FOXJ3: variants seen among roughly 807,000 people sequenced by gnomAD.
The protein encoded by FOXJ3 is forkhead box J3.
In FOXJ3, 22 loss-of-function variants were observed where a neutral mutation model predicts 76.1. The ratio of observed to expected loss-of-function variants is 0.29; its 90% CI spans 0.21 to 0.41. The LOEUF is 0.41. FOXJ3 is among the 10% of genes least tolerant of loss of function. The probability of loss-of-function intolerance (pLI) is 1.00; values close to 1 mark genes in which losing one functional copy is unlikely to be tolerated. For synonymous variants in FOXJ3, 269 were observed against 261.2 expected, an observed-to-expected ratio of 1.03 and a Z score of -0.29; for missense variants, 613 against 762.1, an observed-to-expected ratio of 0.80 and a Z score of 2.30.
At chr1:42,192,408 C>T (rs1252727251) in intron 8 of FOXJ3, among the ~76,000 whole-genome samples, 1 of 152,002 alleles carries the variant, frequency 6.6e-6, no homozygotes, top group Non-Finnish European at 1.5e-5. Context: ...TAGGGCCCAA[C>T]AAAAAGTTAT....
At chr1:42,307,122 A>AT (rs1557714084) in intron 2 of FOXJ3, among the ~76,000 whole-genome samples, 3 of 152,260 alleles carry the variant, frequency 2.0e-5, no homozygotes, top group Non-Finnish European at 4.4e-5. Flanking sequence ...TTCAGGTTTC[A>AT]TAAGAGCCAT....
At chr1:42,287,027 A>G (rs1393272007) in intron 2 of FOXJ3, among the ~76,000 whole-genome samples, 2 of 152,086 alleles carry the variant, frequency 1.3e-5, no homozygotes, top group African/African-American at 4.8e-5. Flanking sequence ...GTTCTAGGGT[A>G]TACAATTCAT....
chr1:42,191,154 T>C, intron 9 of FOXJ3, 149 bp downstream of exon 9: 1 of 711,468 alleles, frequency 1.4e-6, no homozygotes, highest in Non-Finnish European at 2.1e-6. Context: ...CAGGTCAGTC[T>C]ATGAATTAAA....
intron 3 of FOXJ3, among the ~76,000 whole-genome samples, chr1:42,277,976 CAA>C (rs755384247): frequency 0.034 from 1,770 of 51,478 alleles, 26 homozygotes; most frequent in African/African-American, 0.096. Flanking sequence ...GACTCCATCT[CAA>C]AAAAAAAAAA....
Position 42,206,340 on chromosome 1 carries a change from C to T in FOXJ3, c.529-477G>A, listed in dbSNP as rs374380932. The stretch of plus-strand genomic sequence containing the variant: ...GGGTCATGTCTTTGAAAGAAACCTG[C>T]TTGCCCACCATTCATTCTTTCTCTC... On this transcript the variant is annotated intron_variant, in intron 5 of 12. Coordinates refer to ENST00000361346, the MANE Select transcript of FOXJ3 (RefSeq NM_014947.5). Among the ~76,000 whole-genome samples, 12 of 152,324 alleles carry T rather than the reference C, an allele frequency of 7.9e-5. No individual in the cohort carries two copies. In the East Asian group the frequency reaches 2.3e-3, roughly 29 times the overall value.
At chr1:42,265,335 A>C in intron 3 of FOXJ3, 146 bp from the exon 4 acceptor site, 1 of 516,372 alleles carries the variant, frequency 1.9e-6, no homozygotes, top group Non-Finnish European at 3.4e-6. Flanking sequence ...TTAAAATTTA[A>C]ATCTTTCTGA....
intron 8 of FOXJ3, among the ~76,000 whole-genome samples, chr1:42,192,606 A>T (rs1646571674): frequency 6.6e-6 from 1 of 152,214 alleles, no homozygotes; most frequent in Admixed American, 6.5e-5. Context: ...ATTAAGCCAA[A>T]AATGTTTAAT....
At chr1:42,200,229 C>T (rs970927179) in intron 6 of FOXJ3, among the ~76,000 whole-genome samples, 1 of 152,124 alleles carries the variant, frequency 6.6e-6, no homozygotes, top group Non-Finnish European at 1.5e-5. Flanking sequence ...CCATCCATAT[C>T]TCCTGTCCCA....
chr1:42,279,780 T>A (rs548748942), intron 2 of FOXJ3, among the ~76,000 whole-genome samples: 1 of 151,878 alleles, frequency 6.6e-6, no homozygotes, highest in East Asian at 1.9e-4. Context: ...CTAAGTGATA[T>A]CAAAATAAAG....
intron 5 of FOXJ3, among the ~76,000 whole-genome samples, chr1:42,224,242 T>A (rs1647367232): frequency 6.6e-6 from 1 of 152,206 alleles, no homozygotes; most frequent in South Asian, 2.1e-4. Flanking sequence ...TTATTCAATT[T>A]GTTTAAGGTC....
At chr1:42,293,953 G>C (rs920119172) in intron 2 of FOXJ3, among the ~76,000 whole-genome samples, 1 of 152,174 alleles carries the variant, frequency 6.6e-6, no homozygotes, top group Non-Finnish European at 1.5e-5. Flanking sequence ...GCACTAGTAG[G>C]GGGTGGAATA....
intron 11 of FOXJ3, among the ~76,000 whole-genome samples, chr1:42,183,533 A>G (rs1214259992): frequency 1.3e-5 from 2 of 152,004 alleles, no homozygotes; most frequent in Non-Finnish European, 2.9e-5. Flanking sequence ...CCCCTCCTCC[A>G]ATAACTCATG....
At chr1:42,217,417 T>C (rs1647092358) in intron 5 of FOXJ3, among the ~76,000 whole-genome samples, 1 of 151,978 alleles carries the variant, frequency 6.6e-6, no homozygotes, top group Non-Finnish European at 1.5e-5. Context: ...TAGTCCCAGC[T>C]ACTCGGGAGG....
chr1:42,311,650 AAGTAGTAGTAGT>A (rs142219815), intron 1 of FOXJ3, among the ~76,000 whole-genome samples: 9 of 149,414 alleles, frequency 6.0e-5, no homozygotes, highest in African/African-American at 2.0e-4. Context: ...TTTAAAAAAA[AAGTAGTAGTAGT>A]AGTAGTAGTA....
intron 4 of FOXJ3, among the ~76,000 whole-genome samples, chr1:42,233,389 T>C (rs1648317627): frequency 1.9e-5 from 1 of 52,046 alleles, no homozygotes; most frequent in African/African-American, 6.0e-5. Flanking sequence ...TTGGGCAGTA[T>C]GGCCATTTTC....
intron 4 of FOXJ3, among the ~76,000 whole-genome samples, chr1:42,263,711 T>C (rs878929731): frequency 5.3e-5 from 8 of 152,094 alleles, no homozygotes; most frequent in Admixed American, 1.3e-4. Context: ...CGAATAACTC[T>C]TCATCTCTAA....
At chr1:42,182,081 G>A in intron 11 of FOXJ3, 57 bp from the exon 12 acceptor site, 2 of 941,916 alleles carry the variant, frequency 2.1e-6, no homozygotes. Flanking sequence ...AAAACAAATG[G>A]AGCACTAAAA....
At chr1:42,242,074 G>C (rs1362653288) in intron 4 of FOXJ3, among the ~76,000 whole-genome samples, 1 of 152,066 alleles carries the variant, frequency 6.6e-6, no homozygotes, top group Non-Finnish European at 1.5e-5. Context: ...CAAAGTTAAA[G>C]TGTTCTATGT....
At chr1:42,278,264 T>C (rs760723977) in intron 3 of FOXJ3, 84 bp downstream of exon 3, 1 of 1,010,104 alleles carries the variant, frequency 9.9e-7, no homozygotes. Flanking sequence ...TTCAATTACA[T>C]GAGCATTCAC....
Sources: gnomAD v4.1 joint callset for allele counts (sites outside exome capture counted in the v4.1 genomes callset) on GRCh38, gnomAD v4.1.1 for gene constraint, MANE v1.5 for transcripts, NCBI Gene and HGNC (gene_info 2026-07-23, HGNC 2026-07-21) for gene names.